ARSL: variants seen among roughly 807,000 people sequenced by gnomAD.
ARSL encodes the protein arylsulfatase L.
A neutral mutation model predicts 31.1 loss-of-function variants in ARSL; 4 were observed. The ratio of observed to expected loss-of-function variants is 0.13; its 90% confidence interval spans 0.06 to 0.29. The LOEUF (loss-of-function observed/expected upper bound fraction) is 0.29, where lower values mean the gene tolerates loss of function less well. Among genes scored for constraint, ARSL ranks in the 10% least tolerant of loss-of-function variants. The pLI is 1.00. For missense variants in ARSL, 312 were observed against 497.8 expected (o/e 0.63, Z 3.55); for synonymous variants, 198 against 209.9 (o/e 0.94, Z 0.49).
rs1429645310 is a variant in ARSL, at chrX:2,946,150, A to G, written c.855-16T>C. On this transcript the variant is annotated splice_polypyrimidine_tract_variant and intron_variant, in intron 6 of 10. Coordinates refer to ENST00000381134, the MANE Select transcript of ARSL (RefSeq NM_000047.3). ...ATGCTTATTCCTAAAAATAAATACG[A>G]AGCAATTAAGGTGACTTTTTTGGTA... is the stretch of plus-strand genomic sequence containing the variant. 5 of 1,206,405 alleles carry G rather than the reference A, an allele frequency of 4.1e-6. No individual in the cohort carries two copies. Among genetic ancestry groups the G allele is most frequent in the South Asian group, 3.5e-5 (2 of 56,624 alleles).
rs370086209 is a variant in ARSL at position 2,936,677 on chromosome X, A to T, written c.1411+65T>A. ...CTCCATCCCTAGCCTGTTCTAGGGC[A>T]TGGTGCTTTCCTGCACAGAGGGACT... On this transcript the variant is annotated intron_variant, in intron 10 of 10. Coordinates refer to ENST00000381134, the MANE Select transcript of ARSL (RefSeq NM_000047.3). 9 of 1,189,731 alleles carry T rather than the reference A, an allele frequency of 7.6e-6. No homozygotes were observed. In the African/African-American group the frequency reaches 1.4e-4, roughly 19 times the overall value.
chrX:2,943,850 T>C (rs952611351), intron 7 of ARSL, among the ~76,000 whole-genome samples: 8 of 107,916 alleles, frequency 7.4e-5, no homozygotes, highest in Non-Finnish European at 3.8e-5. Flanking sequence ...CCTGAGCTTC[T>C]TGCAGCCACA....
At chrX:2,956,396 T>C (rs898877297) in intron 3 of ARSL, among the ~76,000 whole-genome samples, 1 of 110,992 alleles carries the variant, frequency 9.0e-6, no homozygotes, top group Non-Finnish European at 1.9e-5. Context: ...GGGTTGGGAG[T>C]GAGACAGAGA....
Position 2,938,386 on chromosome X carries a change from C to CTG in ARSL, c.1127-130_1127-129insCA. 3.3e-6 allele frequency: 3 copies of CTG among 902,693 alleles called. No individual in the cohort carries two copies. The South Asian group carries it at 7.0e-5, about 21-fold the overall frequency. The allele number at this position is 902,693 out of a possible 1,213,427, so 74.4% of individuals were successfully genotyped here. A position where few individuals can be genotyped will look rare whatever the true frequency, so the allele number is the denominator to read the frequency against. ...TCTCCCTGAGTCTCTCAATTTCTCT[C>CTG]TCTCTCTCTCTCTGTTTTAGTGACA... On this transcript the variant is annotated intron_variant, in intron 8 of 10. Transcript: ENST00000381134.
upstream of ARSL, among the ~76,000 whole-genome samples, chrX:2,965,527 A>T (rs2089691263): frequency 9.6e-6 from 1 of 103,955 alleles, no homozygotes; most frequent in Admixed American, 1.1e-4. Context: ...ATAATAATAA[A>T]CATAAGATAA....
intron 6 of ARSL, among the ~76,000 whole-genome samples, chrX:2,948,090 C>T (rs1363374279): frequency 8.0e-5 from 9 of 111,883 alleles, no homozygotes; most frequent in South Asian, 3.7e-4. Context: ...CACTGCAGTC[C>T]GGCCTGGGCC....
chrX:2,968,106 CA>C (rs2089712319), upstream of ARSL: 1 of 1,152,772 alleles, frequency 8.7e-7, no homozygotes, highest in African/African-American at 1.8e-5. Flanking sequence ...TCTGCACGTG[CA>C]AAAGCCGGCC....
intron 6 of ARSL, among the ~76,000 whole-genome samples, chrX:2,947,040 G>A (rs144227296): frequency 0.016 from 1,814 of 110,331 alleles, 29 homozygotes; most frequent in African/African-American, 0.055. Flanking sequence ...AAAAATTAGC[G>A]GGATGTGGTG....
intron 2 of ARSL, 34 bp downstream of exon 2, chrX:2,960,344 A>G: frequency 2.4e-6 from 2 of 835,728 alleles, no homozygotes; most frequent in Non-Finnish European, 3.5e-6. Context: ...GAAAGAAAGG[A>G]GACTACTAAT....
chrX:2,943,186 G>A lies in ARSL; in HGVS notation c.1005C>T (p.Asp335=). ...EMDWMVGRIL[D]TLDVEGLSNS... ...TGCTCAAACCCTCCACGTCCAAAGT[G>A]TCAAGGATCCGTCCTGCAAAGAACA... Residue 335 remains aspartate (D), a synonymous_variant, in exon 8 of 11, where the codon GAC becomes GAT. Transcript: ENST00000381134. 8.3e-7 allele frequency: 1 copy of A among 1,210,972 alleles called. No individual in the cohort carries two copies. The highest frequency in any genetic ancestry group is 1.1e-6 in the Non-Finnish European group (1 of 895,351).
At chrX:2,937,287 G>A (rs763396554) in intron 9 of ARSL, among the ~76,000 whole-genome samples, 2 of 109,650 alleles carry the variant, frequency 1.8e-5, no homozygotes, top group East Asian at 5.7e-4. Flanking sequence ...CCAGCTACTC[G>A]GGAGGCTGAG....
intron 7 of ARSL, among the ~76,000 whole-genome samples, chrX:2,943,741 CAAAAAAAAAAAAAA>C: frequency 7.3e-5 from 1 of 13,730 alleles, no homozygotes; most frequent in Admixed American, 1.3e-3. Context: ...GACTCGGTCT[CAAAAAAAAAAAAAA>C]AAAAAAAAAA....
intron 7 of ARSL, among the ~76,000 whole-genome samples, chrX:2,944,077 G>A (rs1014774969): frequency 9.0e-6 from 1 of 110,793 alleles, no homozygotes; most frequent in African/African-American, 3.3e-5. Flanking sequence ...TACTTGGGAG[G>A]CTGAGGTGGG....
chrX:2,959,809 A>C, intron 2 of ARSL: 1 of 933,607 alleles, frequency 1.1e-6, no homozygotes, highest in Non-Finnish European at 1.4e-6. Flanking sequence ...TTATCTGAGC[A>C]CGTTGGGAGG....
intron 1 of ARSL, among the ~76,000 whole-genome samples, chrX:2,961,113 G>A (rs1348143177): frequency 2.7e-5 from 3 of 111,115 alleles, no homozygotes; most frequent in East Asian, 5.7e-4. Context: ...AGACGCATTC[G>A]CCTTCATTGC....
At chrX:2,944,359 C>G (rs1357819014) in intron 7 of ARSL, among the ~76,000 whole-genome samples, 1 of 106,451 alleles carries the variant, frequency 9.4e-6, no homozygotes, top group Non-Finnish European at 1.9e-5. Context: ...GAGGCTGAGG[C>G]AGGAGAATTG....
intron 3 of ARSL, among the ~76,000 whole-genome samples, chrX:2,958,005 G>A (rs762482948): frequency 1.8e-5 from 2 of 110,988 alleles, no homozygotes; most frequent in South Asian, 7.6e-4. Context: ...CTGGACCACA[G>A]AGCAAGACTT....
Position 2,961,772 on chromosome X carries a change from G to C in ARSL, c.-20-1352C>G, listed in dbSNP as rs781163686. ...AACAATTGTCATCTATTGTCTCTAA[G>C]GGCAGCCGCTACAAGACTTCAAAAT... On this transcript the variant is annotated intron_variant, in intron 1 of 10. Coordinates refer to ENST00000381134, the MANE Select transcript of ARSL (RefSeq NM_000047.3). Among the ~76,000 whole-genome samples, 8 of 110,652 alleles carry C rather than the reference G, an allele frequency of 7.2e-5. No homozygotes were observed. In the South Asian group the frequency reaches 3.1e-3, roughly 43 times the overall value.
At chrX:2,947,242 C>T (rs1466713106) in intron 6 of ARSL, among the ~76,000 whole-genome samples, 3 of 111,089 alleles carry the variant, frequency 2.7e-5, no homozygotes, top group Non-Finnish European at 5.7e-5. Flanking sequence ...TTTTCCCCCC[C>T]GAATATTATA....
Sources: allele counts gnomAD v4.1 joint callset (sites outside exome capture counted in the v4.1 genomes callset), GRCh38; gene constraint gnomAD v4.1.1; transcripts MANE v1.5; gene names NCBI Gene and HGNC (gene_info 2026-07-23, HGNC 2026-07-21).